The following TBC1D16 variants were observed in gnomAD, a reference collection of about 807,000 sequenced individuals.
The protein encoded by TBC1D16 is TBC1 domain family member 16.
TBC1D16 carries 58 observed loss-of-function variants against 74.7 expected under a neutral mutation model. The ratio of observed to expected loss-of-function variants is 0.78; its 90% CI spans 0.63 to 0.97. TBC1D16 has a LOEUF of 0.97. Ranked by LOEUF, TBC1D16 falls within the 50% of genes least tolerant of loss-of-function variation. TBC1D16 has a pLI of 0.00. For synonymous variants in TBC1D16, 493 were observed against 474.7 expected (o/e 1.04, Z -0.50); for missense variants, 1,014 against 1,079.5 (o/e 0.94, Z 0.85).
rs545130241 is a variant in TBC1D16, at chr17:79,993,889, T to A, written c.779+16271A>T. Among the ~76,000 whole-genome samples the A allele has an allele frequency of 6.6e-6, 1 of 152,110 alleles. No individual in the cohort carries two copies. The highest frequency in any genetic ancestry group is 2.4e-5 in the African/African-American group (1 of 41,488). Reference sequence around the variant, plus strand: ...GAGCACCAGGAGCCCCCAGCCCCCATGCAACCACCGGCCGGGGTTGCGTCA... The same window carrying A: ...GAGCACCAGGAGCCCCCAGCCCCCAAGCAACCACCGGCCGGGGTTGCGTCA... On this transcript the variant is annotated intron_variant, in intron 3 of 11. Coordinates refer to ENST00000310924, the MANE Select transcript of TBC1D16 (RefSeq NM_019020.4). The surrounding 1 kb of genome is among the most constrained non-coding windows in gnomAD (Gnocchi z 5.1).
chr17:79,978,112 G>C (rs1160382287), intron 3 of TBC1D16, among the ~76,000 whole-genome samples: 1 of 152,198 alleles, frequency 6.6e-6, no homozygotes, highest in Non-Finnish European at 1.5e-5. Context: ...GTCGAGCTCG[G>C]GAGCGCCGAC....
Position 80,010,127 on chromosome 17 carries a change from C to T in TBC1D16, c.779+33G>A, listed in dbSNP as rs1260706491. On this transcript the variant is annotated intron_variant, in intron 3 of 11. Coordinates refer to ENST00000310924, the MANE Select transcript of TBC1D16 (RefSeq NM_019020.4). This position sits in a 1 kb window ranked among gnomAD's most constrained non-coding sequence, Gnocchi z 8.8. ...TGCCCAGGTCAGGCCTTGGGGGCCT[C>T]CCGAGAGCCCACGCCCAGAACCAGG... The T allele has an allele frequency of 1.3e-6, 2 of 1,562,146 alleles. No individual in the cohort carries two copies. The highest frequency in any genetic ancestry group is 1.2e-5 in the South Asian group (1 of 83,720).
In TBC1D16 at chr17:79,944,026, C is replaced by T; in HGVS notation, c.1908+882G>A. ...GGGAAACCTAGACCCGGGCCAGGGG[C>T]GAGCCGATGACCGCATGCAAAGGCG... On this transcript the variant is annotated intron_variant, in intron 10 of 11. Coordinates refer to ENST00000310924, the MANE Select transcript of TBC1D16 (RefSeq NM_019020.4). The surrounding 1 kb of genome is among the most constrained non-coding windows in gnomAD (Gnocchi z 7.7). 4 of 1,535,184 alleles carry T rather than the reference C, an allele frequency of 2.6e-6. No homozygotes were observed. Among genetic ancestry groups the T allele is most frequent in the Non-Finnish European group, 3.5e-6 (4 of 1,146,464 alleles).
intron 3 of TBC1D16, among the ~76,000 whole-genome samples, chr17:79,958,190 G>C (rs911426153): frequency 7.2e-5 from 11 of 151,728 alleles, no homozygotes; most frequent in African/African-American, 2.4e-4. Flanking sequence ...ATTCAGCTCA[G>C]GGGGAGAAAG....
Position 79,951,605 on chromosome 17 carries a change from G to GC in TBC1D16, c.942-9dup. 6.2e-7 allele frequency: 1 copy of GC among 1,612,086 alleles called. No individual in the cohort carries two copies. The highest frequency in any genetic ancestry group is 1.1e-5 in the South Asian group (1 of 90,992). ...CTGGTGCAGGCCTCGTCGCTGAAGG[G>GC]CCATTGGAAGGGGGAGAGGGAAGCC... On this transcript the variant is annotated splice_polypyrimidine_tract_variant and intron_variant, in intron 4 of 11. Transcript: ENST00000310924.
chr17:80,011,378 C>A (rs2035885849), intron 2 of TBC1D16, among the ~76,000 whole-genome samples: 1 of 152,142 alleles, frequency 6.6e-6, no homozygotes, highest in Non-Finnish European at 1.5e-5. Flanking sequence ...ACACCAGGGG[C>A]TCTCCCTGTG....
intron 3 of TBC1D16, among the ~76,000 whole-genome samples, chr17:79,960,827 C>CACTGTGAG (rs1292307486): frequency 1.1e-5 from 1 of 89,050 alleles, no homozygotes; most frequent in Non-Finnish European, 2.2e-5. Context: ...ATGAAACTGA[C>CACTGTGAG]ACTGTGAGTG....
At chr17:79,942,455 T>C (rs1021664513) in intron 10 of TBC1D16, among the ~76,000 whole-genome samples, 3 of 144,626 alleles carry the variant, frequency 2.1e-5, no homozygotes, top group Admixed American at 7.0e-5. Flanking sequence ...GAGGGGACGA[T>C]GCTGAGCTCA....
chr17:79,942,124 T>G lies in TBC1D16; in HGVS notation c.1991A>C (p.Asp664Ala). ...GTTTCCGAAGTGCAGGAGCATCTGG[T>G]CCGTGGCCAGCTGCTGCTCGATGAC... The part of the protein sequence containing the change: ...DDVIEQQLAT[D>A]QMLLHFGNLA... Residue 664 changes from aspartate to alanine, a missense_variant, in exon 11 of 12, where the codon GAC (aspartate) becomes GCC (alanine). Coordinates refer to ENST00000310924, the MANE Select transcript of TBC1D16 (RefSeq NM_019020.4). 6.2e-7 allele frequency: 1 copy of G among 1,611,804 alleles called. No homozygotes were observed. Among genetic ancestry groups the G allele is most frequent in the Non-Finnish European group, 8.5e-7 (1 of 1,179,482 alleles).
intron 3 of TBC1D16, among the ~76,000 whole-genome samples, chr17:79,973,823 C>G (rs1476179046): frequency 6.6e-6 from 1 of 152,154 alleles, no homozygotes; most frequent in African/African-American, 2.4e-5. Flanking sequence ...CTACTGCACT[C>G]CACCCTGGGC....
intron 3 of TBC1D16, among the ~76,000 whole-genome samples, chr17:80,006,959 C>A (rs2035699056): frequency 6.6e-6 from 1 of 152,208 alleles, no homozygotes; most frequent in Non-Finnish European, 1.5e-5. Context: ...CAGTGCCCGG[C>A]CTCCATATCT....
intron 10 of TBC1D16, among the ~76,000 whole-genome samples, chr17:79,942,949 G>A (rs2032158065): frequency 6.6e-6 from 1 of 152,238 alleles, no homozygotes; most frequent in Non-Finnish European, 1.5e-5. Flanking sequence ...GGTCCTGACG[G>A]CTGCATCCTG....
intron 3 of TBC1D16, among the ~76,000 whole-genome samples, chr17:79,960,353 G>A (rs1568590300): frequency 1.3e-5 from 2 of 152,142 alleles, no homozygotes. Context: ...CTATGAAAAG[G>A]TGCTCGACAG....
At position 79,957,943 on chromosome 17, in the gene TBC1D16, A is replaced by G. The variant is rs189811437; in HGVS notation, c.780-5125T>C. ...AGATTAACATCTTTAGTATGTAAAA[A>G]AGTATGTAAATTAAAAAGAAAAATA... On this transcript the variant is annotated intron_variant, in intron 3 of 11. Coordinates refer to ENST00000310924, the MANE Select transcript of TBC1D16 (RefSeq NM_019020.4). Among the ~76,000 whole-genome samples, 21 of 152,236 alleles carry G rather than the reference A, an allele frequency of 1.4e-4. 3 individuals carry two copies. Among genetic ancestry groups the G allele is most frequent in the African/African-American group, 5.1e-4 (21 of 41,562 alleles).
chr17:79,986,655 T>C lies in TBC1D16; in HGVS notation c.779+23505A>G, dbSNP rs1328216802. Among the ~76,000 whole-genome samples, 1 of 152,286 alleles carries C rather than the reference T, an allele frequency of 6.6e-6. No individual in the cohort carries two copies. The highest frequency in any genetic ancestry group is 2.0e-4 in the East Asian group (1 of 5,128). On this transcript the variant is annotated intron_variant, in intron 3 of 11. Coordinates refer to ENST00000310924, the MANE Select transcript of TBC1D16 (RefSeq NM_019020.4). The surrounding 1 kb of genome is among the most constrained non-coding windows in gnomAD (Gnocchi z 6.0). The stretch of plus-strand genomic sequence containing the variant: ...CAGTACCCGCAGCACCCGAGTTCTT[T>C]GCCTCTTATTAAAGGGCAGAGCCAC...
In TBC1D16 at chr17:79,988,692, C is replaced by G. The variant is rs1363550159; in HGVS notation, c.779+21468G>C. Among the ~76,000 whole-genome samples, 3 of 152,236 alleles carry G rather than the reference C, an allele frequency of 2.0e-5. No homozygotes were observed. The highest frequency in any genetic ancestry group is 2.9e-5 in the Non-Finnish European group (2 of 68,040). ...GCAAAAAGACTTTTTCTGGAGGGTC[C>G]TATGCACCAGATGTTGGCTCTTTAA... is the stretch of plus-strand genomic sequence containing the variant. On this transcript the variant is annotated intron_variant, in intron 3 of 11. Coordinates refer to ENST00000310924, the MANE Select transcript of TBC1D16 (RefSeq NM_019020.4). The surrounding 1 kb of genome is among the most constrained non-coding windows in gnomAD (Gnocchi z 5.7).
Position 79,936,658 on chromosome 17 carries a change from C to T in TBC1D16, c.*4201G>A, listed in dbSNP as rs1017175173. On this transcript the variant is annotated 3_prime_UTR_variant, in exon 12 of 12. Transcript: ENST00000310924. Reference sequence around the variant, plus strand: ...GCATGCCTCTGGCTTCATGAACCTTCGGGGGAAATTAGCTTTCTAGTTTGG... The same window carrying T: ...GCATGCCTCTGGCTTCATGAACCTTTGGGGGAAATTAGCTTTCTAGTTTGG... 5 of 152,414 alleles carry T rather than the reference C, an allele frequency of 3.3e-5. No homozygotes were observed. The highest frequency in any genetic ancestry group is 5.9e-5 in the Non-Finnish European group (4 of 68,244). The allele number at this position is 152,414 out of a possible 1,614,324, so 9.4% of individuals were successfully genotyped here.
At chr17:79,957,882 T>C (rs1598348100) in intron 3 of TBC1D16, among the ~76,000 whole-genome samples, 1 of 142,856 alleles carries the variant, frequency 7.0e-6, no homozygotes, top group African/African-American at 2.6e-5. Flanking sequence ...ACAAAACAAA[T>C]GAATAGCCAA....
rs1377670617 is a variant in TBC1D16 at position 79,937,988 on chromosome 17, AAATAAGCAGCATTGCT to A, written c.*2855_*2870del. On this transcript the variant is annotated 3_prime_UTR_variant, in exon 12 of 12. Transcript: ENST00000310924. ...TAAGTGTCATTTTAAAAAATGGGTT[AAATAAGCAGCATTGCT>A]GAGGATGGCCGTGCAGGGCTGATTA... is the stretch of plus-strand genomic sequence containing the variant. The A allele has an allele frequency of 2.0e-5, 3 of 152,238 alleles. No individual in the cohort carries two copies. Among genetic ancestry groups the A allele is most frequent in the Non-Finnish European group, 4.4e-5 (3 of 68,048 alleles). 9.4% of individuals were successfully genotyped at this position (152,238 alleles called of 1,614,324 possible).
Sources: gnomAD v4.1 joint callset for allele counts (sites outside exome capture counted in the v4.1 genomes callset) on GRCh38, gnomAD v4.1.1 for gene constraint, Gnocchi (gnomAD v3.1) non-coding constraint, MANE v1.5 for transcripts, NCBI Gene and HGNC (gene_info 2026-07-23, HGNC 2026-07-21) for gene names.